Variants in KIF5A observed in about 807,000 individuals in gnomAD.
The protein encoded by KIF5A is kinesin family member 5A.
Under a neutral mutation model 141.3 loss-of-function variants are expected in KIF5A, and 35 were observed. That is an observed-to-expected ratio of 0.25 (90% CI 0.19 to 0.33). The LOEUF is 0.33. Ranked by LOEUF, KIF5A falls within the 10% of genes least tolerant of loss-of-function variation. The probability of loss-of-function intolerance (pLI) is 1.00; values close to 1 mark genes in which losing one functional copy is unlikely to be tolerated. For synonymous variants in KIF5A, 448 were observed against 500.2 expected (o/e 0.90, Z 1.39); for missense variants, 861 against 1,314.3 (o/e 0.66, Z 5.33).
chr12:57,557,770 C>A (rs1189033019), intron 1 of KIF5A, among the ~76,000 whole-genome samples: 1 of 151,774 alleles, frequency 6.6e-6, no homozygotes, highest in Non-Finnish European at 1.5e-5. Context: ...TGGCTCACTG[C>A]AACCTCTGCC....
chr12:57,552,827 A>G (rs933029679), intron 1 of KIF5A, among the ~76,000 whole-genome samples: 1 of 151,480 alleles, frequency 6.6e-6, no homozygotes, highest in Non-Finnish European at 1.5e-5. Context: ...TGCAGCCCCT[A>G]CTCCTTCCTG....
At chr12:57,580,345 G>A (rs1882558886) in intron 23 of KIF5A, among the ~76,000 whole-genome samples, 1 of 152,202 alleles carries the variant, frequency 6.6e-6, no homozygotes, top group Admixed American at 6.5e-5. Context: ...TGAAGGTAAT[G>A]AGTGCAAATG....
chr12:57,578,104 G>A (rs2140169539), intron 22 of KIF5A, 24 bp downstream of exon 22: 1 of 1,606,402 alleles, frequency 6.2e-7, no homozygotes, highest in Non-Finnish European at 8.5e-7. Flanking sequence ...TTGGGGTTTT[G>A]TCAGCCCCCA....
Position 57,575,625 on chromosome 12 carries a change from A to G in KIF5A, c.1906-15A>G, listed in dbSNP as rs1882397220. ...TTGCTCCATCTTCTTCCTCTCACCA[A>G]CTTTCTCCCACCAGCATGAGGCCAA... On this transcript the variant is annotated splice_polypyrimidine_tract_variant and intron_variant, in intron 16 of 28. Coordinates refer to ENST00000455537, the MANE Select transcript of KIF5A (RefSeq NM_004984.4). 3 of 1,610,148 alleles carry G rather than the reference A, an allele frequency of 1.9e-6. No homozygotes were observed. Among genetic ancestry groups the G allele is most frequent in the East Asian group, 4.5e-5 (2 of 44,868 alleles).
chr12:57,567,378 A>G (rs1330185621), intron 7 of KIF5A, 116 bp from the exon 8 acceptor site: 1 of 1,037,920 alleles, frequency 9.6e-7, no homozygotes, highest in African/African-American at 1.7e-5. Flanking sequence ...CAGCAGGGCT[A>G]GTCCTGGTGG....
chr12:57,573,828 C>CAA (rs556161029), intron 15 of KIF5A, among the ~76,000 whole-genome samples: 5 of 65,234 alleles, frequency 7.7e-5, no homozygotes, highest in South Asian at 4.9e-4. Context: ...AACTCCGTCT[C>CAA]AAAAAAAAAA....
chr12:57,581,305 A>G (rs1882591448), intron 24 of KIF5A, 110 bp from the exon 25 acceptor site: 1 of 1,550,158 alleles, frequency 6.5e-7, no homozygotes, highest in African/African-American at 1.4e-5. Flanking sequence ...AAAAGTAAAA[A>G]AGTGATTATG....
intron 19 of KIF5A, 145 bp from the exon 20 acceptor site, chr12:57,576,616 G>A: frequency 1.4e-6 from 1 of 736,662 alleles, no homozygotes; most frequent in South Asian, 1.5e-5. Flanking sequence ...AGTGGCCTGA[G>A]TCTGCCTCTG....
In KIF5A at chr12:57,572,759, C is replaced by G; in HGVS notation, c.1716+33C>G. On this transcript the variant is annotated intron_variant, in intron 15 of 28. Transcript: ENST00000455537. This position sits in a 1 kb window ranked among gnomAD's most constrained non-coding sequence, Gnocchi z 4.2. ...GTGAGAGACAGCAGCCTTGTTCAGGCTGGGCACTAGTGGAAGACGCAAGAT... is the reference window on the plus strand; with the variant it reads ...GTGAGAGACAGCAGCCTTGTTCAGGGTGGGCACTAGTGGAAGACGCAAGAT... The G allele has an allele frequency of 6.2e-7, 1 of 1,613,864 alleles. No individual in the cohort carries two copies. The highest frequency in any genetic ancestry group is 1.3e-5 in the African/African-American group (1 of 75,048).
intron 6 of KIF5A, among the ~76,000 whole-genome samples, 172 bp from the exon 7 acceptor site, chr12:57,566,954 C>T (rs1397671479): frequency 6.6e-6 from 1 of 151,986 alleles, no homozygotes; most frequent in African/African-American, 2.4e-5. Flanking sequence ...GCAAGAGAAT[C>T]GCTTGAACCT....
At position 57,563,785 on chromosome 12, in the gene KIF5A, G is replaced by T. The variant is rs1016943259; in HGVS notation, c.291+92G>T. 4 of 1,205,368 alleles carry T rather than the reference G, an allele frequency of 3.3e-6. No individual in the cohort carries two copies. The African/African-American group carries it at 6.0e-5, about 18-fold the overall frequency. 74.7% of individuals were successfully genotyped at this position (1,205,368 alleles called of 1,614,324 possible). On this transcript the variant is annotated intron_variant, in intron 3 of 28. Transcript: ENST00000455537. ...GGGGAAGGTCTAGGAATCAAGGATT[G>T]CCTGGTCCAGAGGCAGATAGATGAG...
rs199910641 is a variant in KIF5A, at chr12:57,563,013, TC to T, written c.130-425del. Among the ~76,000 whole-genome samples, 337 of 146,976 alleles carry T rather than the reference TC, an allele frequency of 2.3e-3. 3 individuals carry two copies. The highest frequency in any genetic ancestry group is 6.9e-3 in the Middle Eastern group (2 of 290). On this transcript the variant is annotated intron_variant, in intron 1 of 28. Transcript: ENST00000455537. ...TCCCACATTTCTTTTCTTTTCTTCT[TC>T]TTTTTTTTTTTGAGATGGAGTCTCG...
At chr12:57,576,538 C>T (rs1050774006) in intron 19 of KIF5A, among the ~76,000 whole-genome samples, 160 bp downstream of exon 19, 6 of 152,280 alleles carry the variant, frequency 3.9e-5, no homozygotes, top group South Asian at 4.1e-4. Context: ...CATGGAATAA[C>T]GACTAGTCCC....
chr12:57,558,374 T>C (rs1881809068), intron 1 of KIF5A, among the ~76,000 whole-genome samples: 1 of 151,388 alleles, frequency 6.6e-6, no homozygotes, highest in Non-Finnish European at 1.5e-5. Flanking sequence ...ACCTCGTCTC[T>C]ACTAAAAATA....
At position 57,572,171 on chromosome 12, in the gene KIF5A, G is replaced by A. The variant is rs1874608476; in HGVS notation, c.1473G>A (p.Leu491=). ...KDEVKEVLQA[L]EELAVNYDQK... is the part of the protein sequence containing the mutation. ...AGGTGAAGGAAGTGCTGCAGGCCCT[G>A]GAGGAGCTGGCTGTGAACTATGACC... The change falls in exon 14 of 29, where the codon CTG becomes CTA. Residue 491 remains leucine (L), a synonymous_variant. Coordinates refer to ENST00000455537, the MANE Select transcript of KIF5A (RefSeq NM_004984.4). This position sits in a 1 kb window ranked among gnomAD's most constrained non-coding sequence, Gnocchi z 4.2. 1 of 1,613,944 alleles carries A rather than the reference G, an allele frequency of 6.2e-7. No homozygotes were observed. The highest frequency in any genetic ancestry group is 8.5e-7 in the Non-Finnish European group (1 of 1,179,934).
intron 27 of KIF5A, 70 bp from the exon 28 acceptor site, chr12:57,583,031 G>C (rs1407483621): frequency 1.6e-6 from 2 of 1,256,674 alleles, no homozygotes; most frequent in African/African-American, 3.0e-5. Flanking sequence ...CACTCTCAGA[G>C]CAGAGTAACC....
Position 57,550,409 on chromosome 12 carries a change from C to T in KIF5A, c.129+9C>T, listed in dbSNP as rs372131378. 620 of 1,613,828 alleles carry T rather than the reference C, an allele frequency of 3.8e-4. No homozygotes were observed. Among genetic ancestry groups the T allele is most frequent in the Non-Finnish European group, 5.0e-4 (593 of 1,179,938 alleles). Reference sequence around the variant, plus strand: ...ACAGCGTCGTTATTGGGGTGAGTGTCGCCCAGGAGGGAATTCGGGGAGGGG... The same window carrying T: ...ACAGCGTCGTTATTGGGGTGAGTGTTGCCCAGGAGGGAATTCGGGGAGGGG... On this transcript the variant is annotated intron_variant, in intron 1 of 28. Coordinates refer to ENST00000455537, the MANE Select transcript of KIF5A (RefSeq NM_004984.4). The surrounding 1 kb of genome is among the most constrained non-coding windows in gnomAD (Gnocchi z 4.6).
chr12:57,583,345 C>G (rs1328445179), intron 28 of KIF5A, 130 bp downstream of exon 28: 2 of 651,132 alleles, frequency 3.1e-6, no homozygotes, highest in African/African-American at 3.6e-5. Flanking sequence ...AGTTACCCCT[C>G]AACTCCTGCT....
intron 27 of KIF5A, 199 bp downstream of exon 27, chr12:57,582,828 C>A (rs1882648157): frequency 1.6e-6 from 1 of 644,572 alleles, no homozygotes; most frequent in Non-Finnish European, 2.8e-6. Flanking sequence ...CTCCTCCAAT[C>A]CCATCTGTGG....
Sources: allele counts gnomAD v4.1 joint callset (sites outside exome capture counted in the v4.1 genomes callset), GRCh38; gene constraint gnomAD v4.1.1; non-coding constraint Gnocchi (gnomAD v3.1); transcripts MANE v1.5; gene names NCBI Gene and HGNC (gene_info 2026-07-23, HGNC 2026-07-21).